Variants in BSDC1 observed in about 807,000 individuals in gnomAD.
BSDC1 encodes the protein BSD domain-containing protein 1.
A neutral mutation model predicts 56.0 loss-of-function variants in BSDC1; 29 were observed. The observed-to-expected ratio is 0.52, with a 90% CI of 0.39 to 0.71. The LOEUF (loss-of-function observed/expected upper bound fraction) is 0.71. Among genes scored for constraint, BSDC1 ranks in the 30% least tolerant of loss-of-function variants. The pLI, the probability that BSDC1 is intolerant of heterozygous loss-of-function variation, is 0.00. For synonymous variants in BSDC1, 210 were observed against 215.3 expected (o/e 0.98, Z 0.21); for missense variants, 477 against 548.5 (o/e 0.87, Z 1.30).
At chr1:32,369,141 A>C (rs1475315033) in intron 9 of BSDC1, 3 of 581,726 alleles carry the variant, frequency 5.2e-6, no homozygotes, top group East Asian at 1.4e-4. Flanking sequence ...ACAAGTAAAC[A>C]GTGAGTTACA....
chr1:32,388,964 T>C (rs1347618156), intron 2 of BSDC1, among the ~76,000 whole-genome samples: 1 of 151,298 alleles, frequency 6.6e-6, no homozygotes, highest in African/African-American at 2.4e-5. Flanking sequence ...TTTCTTTTTT[T>C]TTTTTTTTGA....
At chr1:32,366,925 G>A in intron 10 of BSDC1, 1 of 1,199,014 alleles carries the variant, frequency 8.3e-7, no homozygotes, top group Non-Finnish European at 1.0e-6. Flanking sequence ...CAAGGTGATG[G>A]CTGCCTACAG....
chr1:32,376,725 A>G lies in BSDC1; in HGVS notation c.693T>C (p.Ile231=). 7.1e-7 allele frequency: 1 copy of G among 1,414,540 alleles called. No homozygotes were observed. Among genetic ancestry groups the G allele is most frequent in the Non-Finnish European group, 9.3e-7 (1 of 1,072,762 alleles). The allele number at this position is 1,414,540 out of a possible 1,614,324, so 87.6% of individuals were successfully genotyped here. ...WEEEEEELMG[I]SPISPKEAKV... Reference sequence around the variant, plus strand: ...TTGCCTCTTTTGGAGATATGGGTGAAATGCCCATGAGCTCCTCTGTAGAGA... The same window carrying G: ...TTGCCTCTTTTGGAGATATGGGTGAGATGCCCATGAGCTCCTCTGTAGAGA... Residue 231 remains isoleucine (I), a synonymous_variant, in exon 9 of 11, where the codon ATT becomes ATC. Coordinates refer to ENST00000455895, the MANE Select transcript of BSDC1 (RefSeq NM_018045.8).
chr1:32,377,123 G>T (rs556439092), intron 8 of BSDC1, among the ~76,000 whole-genome samples: 1 of 152,122 alleles, frequency 6.6e-6, no homozygotes, highest in East Asian at 1.9e-4. Flanking sequence ...ATGACAGAGT[G>T]AGACTCTGCC....
chr1:32,387,877 G>C (rs963039461), intron 2 of BSDC1, among the ~76,000 whole-genome samples: 1 of 152,080 alleles, frequency 6.6e-6, no homozygotes, highest in Non-Finnish European at 1.5e-5. Context: ...AGGAGGAAGC[G>C]GTCAAGAGAA....
chr1:32,390,215 G>A (rs904409030), intron 2 of BSDC1, among the ~76,000 whole-genome samples: 1 of 152,170 alleles, frequency 6.6e-6, no homozygotes, highest in Admixed American at 6.5e-5. Flanking sequence ...TTACTCCAGT[G>A]ACTGGAATGG....
At chr1:32,372,619 T>A (rs760687474) in intron 9 of BSDC1, among the ~76,000 whole-genome samples, 1 of 152,198 alleles carries the variant, frequency 6.6e-6, no homozygotes, top group Non-Finnish European at 1.5e-5. Context: ...TCCACCGTCC[T>A]ACCCTGTCAC....
At chr1:32,375,639 T>C (rs572992814) in intron 9 of BSDC1, among the ~76,000 whole-genome samples, 13 of 152,352 alleles carry the variant, frequency 8.5e-5, no homozygotes, top group Non-Finnish European at 1.9e-4. Flanking sequence ...TGGGTCGCTG[T>C]AAATTCATGG....
intron 3 of BSDC1, among the ~76,000 whole-genome samples, chr1:32,384,693 G>A (rs567800271): frequency 3.3e-5 from 5 of 152,182 alleles, no homozygotes; most frequent in African/African-American, 1.2e-4. Flanking sequence ...AGACCACACT[G>A]GTCAGAATGC....
intron 2 of BSDC1, among the ~76,000 whole-genome samples, chr1:32,389,492 C>G (rs1187427927): frequency 6.6e-6 from 1 of 152,192 alleles, no homozygotes; most frequent in Non-Finnish European, 1.5e-5. Flanking sequence ...CAAACATGAA[C>G]ATACGTTGCC....
chr1:32,378,863 G>C lies in BSDC1; in HGVS notation c.413-24C>G. 1 of 1,430,350 alleles carries C rather than the reference G, an allele frequency of 7.0e-7. No homozygotes were observed. The allele number at this position is 1,430,350 out of a possible 1,614,324, so 88.6% of individuals were successfully genotyped here. The stretch of plus-strand genomic sequence containing the variant: ...CCCTGCAGAGGGACAGATGCTGACG[G>C]TCAGTTGCCTTGGTCTGGGAAAAGA... On this transcript the variant is annotated intron_variant, in intron 5 of 10. Transcript: ENST00000455895. The surrounding 1 kb of genome is among the most constrained non-coding windows in gnomAD (Gnocchi z 5.2).
chr1:32,378,924 T>A lies in BSDC1; in HGVS notation c.413-85A>T. 1.0e-6 allele frequency: 1 copy of A among 954,074 alleles called. No individual in the cohort carries two copies. The highest frequency in any genetic ancestry group is 3.2e-5 in the East Asian group (1 of 31,044). 59.1% of individuals were successfully genotyped at this position (954,074 alleles called of 1,614,324 possible). A position where few individuals can be genotyped will look rare whatever the true frequency, so the allele number is the denominator to read the frequency against. On this transcript the variant is annotated intron_variant, in intron 5 of 10. Transcript: ENST00000455895. This position sits in a 1 kb window ranked among gnomAD's most constrained non-coding sequence, Gnocchi z 5.2. ...TACAGAACATATCTAAGGCTGGACA[T>A]GGAAAATGAAGAAAGCTTGTGTATT...
Position 32,391,855 on chromosome 1 carries a change from G to C in BSDC1, c.72+2225C>G, listed in dbSNP as rs913864396. ...AACGAACTGGGGGTGGTATCTAAGA[G>C]GTTTTCCCATCAGCCTCAGCACTTA... On this transcript the variant is annotated intron_variant, in intron 2 of 10. Coordinates refer to ENST00000455895, the MANE Select transcript of BSDC1 (RefSeq NM_018045.8). Among the ~76,000 whole-genome samples, 8 of 152,178 alleles carry C rather than the reference G, an allele frequency of 5.3e-5. No homozygotes were observed. In the East Asian group the frequency reaches 1.5e-3, roughly 29 times the overall value.
chr1:32,389,176 G>A (rs551910765), intron 2 of BSDC1, among the ~76,000 whole-genome samples: 10 of 151,884 alleles, frequency 6.6e-5, no homozygotes, highest in South Asian at 4.2e-4. Context: ...GGATGGTCTC[G>A]ATCTCCTGAC....
At position 32,378,093 on chromosome 1, in the gene BSDC1, C is replaced by A. The variant is rs767537137; in HGVS notation, c.598-45G>T. On this transcript the variant is annotated intron_variant, in intron 7 of 10. Transcript: ENST00000455895. This position sits in a 1 kb window ranked among gnomAD's most constrained non-coding sequence, Gnocchi z 5.2. ...AGGCCACAGGCAGTCAGGGCACCCT[C>A]TTCCTAGACCCTGGTCCTGATCCCA... 1 of 1,596,636 alleles carries A rather than the reference C, an allele frequency of 6.3e-7. No homozygotes were observed. Among genetic ancestry groups the A allele is most frequent in the Non-Finnish European group, 8.6e-7 (1 of 1,169,342 alleles).
chr1:32,366,959 TAAG>T, intron 10 of BSDC1: 1 of 1,142,888 alleles, frequency 8.7e-7, no homozygotes, highest in Non-Finnish European at 1.1e-6. Context: ...CTCAGTCCTT[TAAG>T]GAGAACTTGC....
In BSDC1 at chr1:32,378,249, T is replaced by A; in HGVS notation, c.563A>T (p.His188Leu). The A allele has an allele frequency of 1.2e-6, 2 of 1,614,200 alleles. No homozygotes were observed. Among genetic ancestry groups the A allele is most frequent in the Non-Finnish European group, 1.7e-6 (2 of 1,180,030 alleles). ...CTGATGGACTTTATAGAAATACCGA[T>A]GCCAGAATTCTGAATGGGAAACAGC... ...PAAVSHSEFW[H>L]RYFYKVHQLE... is the part of the protein sequence containing the mutation. The change falls in exon 7 of 11, where the codon CAT becomes CTT. Residue 188 changes from histidine to leucine, a missense_variant. Coordinates refer to ENST00000455895, the MANE Select transcript of BSDC1 (RefSeq NM_018045.8). This position sits in a 1 kb window ranked among gnomAD's most constrained non-coding sequence, Gnocchi z 5.2.
At chr1:32,376,882 C>T (rs148188141) in intron 8 of BSDC1, 141 bp from the exon 9 acceptor site, 86 of 1,016,864 alleles carry the variant, frequency 8.5e-5, no homozygotes, top group Non-Finnish European at 9.9e-5. Flanking sequence ...TGTAATCCCA[C>T]CACTTTGGGA....
chr1:32,378,720 T>TC lies in BSDC1; in HGVS notation c.528+3dup. On this transcript the variant is annotated splice_donor_region_variant and intron_variant, in intron 6 of 10. Coordinates refer to ENST00000455895, the MANE Select transcript of BSDC1 (RefSeq NM_018045.8). The surrounding 1 kb of genome is among the most constrained non-coding windows in gnomAD (Gnocchi z 5.2). ...GGCTGAGGCCCTGCAGGCTGGGCCCTCACCATCTTGGTGTAGAGGGCCCGG... is the reference window on the plus strand; with the variant it reads ...GGCTGAGGCCCTGCAGGCTGGGCCCTCCACCATCTTGGTGTAGAGGGCCCGG... The TC allele has an allele frequency of 1.3e-6, 2 of 1,487,180 alleles. No individual in the cohort carries two copies. Among genetic ancestry groups the TC allele is most frequent in the East Asian group, 5.1e-5 (2 of 39,480 alleles). The allele number at this position is 1,487,180 out of a possible 1,614,324, so 92.1% of individuals were successfully genotyped here.
Sources: gnomAD v4.1 joint callset for allele counts (sites outside exome capture counted in the v4.1 genomes callset) on GRCh38, gnomAD v4.1.1 for gene constraint, Gnocchi (gnomAD v3.1) non-coding constraint, MANE v1.5 for transcripts, NCBI Gene and HGNC (gene_info 2026-07-23, HGNC 2026-07-21) for gene names.